The following GRIK3 variants were observed in gnomAD, a reference collection of about 807,000 sequenced individuals.
GRIK3 encodes glutamate receptor ionotropic, kainate 3.
In GRIK3, 29 loss-of-function variants were observed where a neutral mutation model predicts 102.5. The ratio of observed to expected loss-of-function variants is 0.28; its 90% CI spans 0.21 to 0.39. GRIK3 has a LOEUF of 0.39. Among genes scored for constraint, GRIK3 ranks in the 10% least tolerant of loss-of-function variants. The probability of loss-of-function intolerance (pLI) is 1.00; values close to 1 mark genes in which losing one functional copy is unlikely to be tolerated. For synonymous variants in GRIK3, 511 were observed against 504.9 expected, an observed-to-expected ratio of 1.01 and a Z score of -0.16; for missense variants, 908 against 1,252.4, an observed-to-expected ratio of 0.73 and a Z score of 4.15.
intron 10 of GRIK3, among the ~76,000 whole-genome samples, chr1:36,832,673 C>T (rs1640320242): frequency 6.6e-6 from 1 of 152,222 alleles, no homozygotes; most frequent in Admixed American, 6.5e-5. Flanking sequence ...AGAGGACAGC[C>T]CAATTTCTGA....
chr1:36,831,805 C>T (rs755687343), intron 10 of GRIK3, among the ~76,000 whole-genome samples: 27 of 152,310 alleles, frequency 1.8e-4, no homozygotes, highest in Admixed American at 3.9e-4. Flanking sequence ...TAAATAACCC[C>T]GTGTGGCTGG....
intron 1 of GRIK3, among the ~76,000 whole-genome samples, chr1:36,976,274 T>C (rs1223228518): frequency 6.6e-6 from 1 of 152,134 alleles, no homozygotes; most frequent in East Asian, 1.9e-4. Context: ...TTGCCAGAGT[T>C]TTAAATCTCA....
In GRIK3 at chr1:36,960,111, C is replaced by T. The variant is rs193051035; in HGVS notation, c.116-69015G>A. Among the ~76,000 whole-genome samples the T allele has an allele frequency of 1.5e-4, 15 of 100,212 alleles. 5 individuals carry two copies. Among genetic ancestry groups the T allele is most frequent in the South Asian group, 3.6e-4 (1 of 2,798 alleles). The allele number at this position is 100,212 out of a possible 152,430, so 65.7% of individuals were successfully genotyped here. ...TCTGTGCCCCATAAGCCTGTGTGCT[C>T]TGTGAGTCTGTGCCTCGTGAGCCTG... On this transcript the variant is annotated intron_variant, in intron 1 of 15. Transcript: ENST00000373091.
At chr1:37,002,219 T>C (rs939903182) in intron 1 of GRIK3, among the ~76,000 whole-genome samples, 6 of 152,214 alleles carry the variant, frequency 3.9e-5, no homozygotes, top group African/African-American at 1.4e-4. Flanking sequence ...GCTAGTTGCA[T>C]ATAACAAAGA....
intron 1 of GRIK3, among the ~76,000 whole-genome samples, chr1:36,902,816 G>A (rs533988050): frequency 1.8e-4 from 27 of 151,946 alleles, no homozygotes; most frequent in Non-Finnish European, 3.5e-4. Flanking sequence ...TTGAAACAGG[G>A]TCTTGCTCTG....
intron 13 of GRIK3, 83 bp downstream of exon 13, chr1:36,816,977 G>C: frequency 1.1e-6 from 1 of 940,052 alleles, no homozygotes; most frequent in Non-Finnish European, 1.7e-6. Context: ...GGGAAGGACA[G>C]AGACCCCCTT....
At chr1:36,949,077 C>T (rs1255224773) in intron 1 of GRIK3, among the ~76,000 whole-genome samples, 2 of 152,178 alleles carry the variant, frequency 1.3e-5, no homozygotes, top group South Asian at 2.1e-4. Context: ...GAAGGTGGGA[C>T]CCAGGGAAAG....
At chr1:36,952,387 A>G (rs1641855928) in intron 1 of GRIK3, among the ~76,000 whole-genome samples, 1 of 152,152 alleles carries the variant, frequency 6.6e-6, no homozygotes, top group African/African-American at 2.4e-5. Context: ...TGCACAGAGC[A>G]GGTGCTGAAT....
intron 1 of GRIK3, among the ~76,000 whole-genome samples, chr1:36,981,819 T>G (rs1211430188): frequency 2.6e-5 from 4 of 152,192 alleles, no homozygotes; most frequent in Non-Finnish European, 5.9e-5. Flanking sequence ...GTTCTGGGCA[T>G]TGCAGATAGG....
At chr1:36,843,010 C>A (rs1473732076) in intron 9 of GRIK3, among the ~76,000 whole-genome samples, 1 of 152,156 alleles carries the variant, frequency 6.6e-6, no homozygotes, top group Non-Finnish European at 1.5e-5. Context: ...CCACCTGCCA[C>A]AGGCTTCTTT....
chr1:36,994,158 T>C (rs1642391085), intron 1 of GRIK3, among the ~76,000 whole-genome samples: 1 of 152,198 alleles, frequency 6.6e-6, no homozygotes, highest in Non-Finnish European at 1.5e-5. Flanking sequence ...TCAACATAGA[T>C]CAGGGTTACC....
At chr1:36,837,117 C>T (rs1640389149) in intron 10 of GRIK3, among the ~76,000 whole-genome samples, 1 of 152,050 alleles carries the variant, frequency 6.6e-6, no homozygotes, top group African/African-American at 2.4e-5. Context: ...ATTCAGGGTC[C>T]CACCCCAGGT....
At chr1:36,949,522 T>C (rs1641819459) in intron 1 of GRIK3, among the ~76,000 whole-genome samples, 1 of 152,038 alleles carries the variant, frequency 6.6e-6, no homozygotes, top group Non-Finnish European at 1.5e-5. Flanking sequence ...TCTTATTGTG[T>C]ACTTTGCATG....
intron 1 of GRIK3, among the ~76,000 whole-genome samples, chr1:36,897,492 T>A (rs1332337076): frequency 6.6e-6 from 1 of 152,170 alleles, no homozygotes; most frequent in East Asian, 1.9e-4. Flanking sequence ...ATTATTTAAA[T>A]AGGCATTTTT....
intron 3 of GRIK3, among the ~76,000 whole-genome samples, chr1:36,878,812 C>A (rs1184072356): frequency 6.6e-6 from 1 of 152,214 alleles, no homozygotes; most frequent in East Asian, 1.9e-4. Flanking sequence ...ATTTCTAATT[C>A]ATCGCTCCAG....
chr1:37,018,782 T>G (rs1642679870), intron 1 of GRIK3, among the ~76,000 whole-genome samples: 1 of 152,002 alleles, frequency 6.6e-6, no homozygotes, highest in Admixed American at 6.6e-5. Flanking sequence ...TCCAATGTAT[T>G]AGGTAGATAA....
At chr1:36,950,008 G>A (rs1641827688) in intron 1 of GRIK3, among the ~76,000 whole-genome samples, 1 of 152,198 alleles carries the variant, frequency 6.6e-6, no homozygotes, top group Non-Finnish European at 1.5e-5. Flanking sequence ...CAGGCCACCT[G>A]GCTCTAGAGT....
At chr1:36,891,543 T>G (rs1179730690) in intron 1 of GRIK3, among the ~76,000 whole-genome samples, 18 of 152,190 alleles carry the variant, frequency 1.2e-4, no homozygotes, top group Admixed American at 9.8e-4. Flanking sequence ...AAGATGGCAT[T>G]TAATAAAATC....
In GRIK3 at chr1:36,880,620, G is replaced by T. The variant is rs1318135540; in HGVS notation, c.550+14C>A. ...CAACCGTTGCCCCCAGCCTAGCCAG[G>T]CCTGGCCACCCACCTGTACTGTCGT... On this transcript the variant is annotated intron_variant, in intron 3 of 15. Coordinates refer to ENST00000373091, the MANE Select transcript of GRIK3 (RefSeq NM_000831.4). The surrounding 1 kb of genome is among the most constrained non-coding windows in gnomAD (Gnocchi z 5.4). 1 of 1,613,030 alleles carries T rather than the reference G, an allele frequency of 6.2e-7. No individual in the cohort carries two copies. The highest frequency in any genetic ancestry group is 8.5e-7 in the Non-Finnish European group (1 of 1,179,220).
Sources: allele counts gnomAD v4.1 joint callset (sites outside exome capture counted in the v4.1 genomes callset), GRCh38; gene constraint gnomAD v4.1.1; non-coding constraint Gnocchi (gnomAD v3.1); transcripts MANE v1.5; gene names NCBI Gene and HGNC (gene_info 2026-07-23, HGNC 2026-07-21).